Variants in OR5L2 observed in about 807,000 individuals in gnomAD.
OR5L2 encodes olfactory receptor family 5 subfamily L member 2, also known as olfactory receptor 5L2.
For synonymous variants in OR5L2, 175 were observed against 151.6 expected, an observed-to-expected ratio of 1.15 and a Z score of -1.13; for missense variants, 425 against 365.6, an observed-to-expected ratio of 1.16 and a Z score of -1.32.
rs267602980 is a variant in OR5L2, at chr11:55,827,505, G to T, written c.287G>T (p.Gly96Val). 6 of 1,611,800 alleles carry T rather than the reference G, an allele frequency of 3.7e-6. No homozygotes were observed. The South Asian group carries it at 5.5e-5, about 15-fold the overall frequency. The change falls in exon 1 of 1, where the codon GGG becomes GTG. Residue 96 changes from glycine (G) to valine (V), a missense_variant. Coordinates refer to ENST00000378397, the MANE Select transcript of OR5L2 (RefSeq NM_001004739.1). ...AAGGACAAAGCCATCTCCTTCCTAG[G>T]GTGCATGGTGCAATTCTACTTGTTT... ...FNKDKAISFL[G>V]CMVQFYLFCT... is the part of the protein sequence containing the mutation.
chr11:55,827,852 A>T lies in OR5L2; in HGVS notation c.634A>T (p.Met212Leu). Residue 212 changes from methionine (M) to leucine (L), a missense_variant, in exon 1 of 1, where the codon ATG (methionine) becomes TTG (leucine). Transcript: ENST00000378397. ...CACTTTGAATGAGAGTGTTACCATC[A>T]TGATCATCCTCACCTCCTACCTGCT... is the stretch of plus-strand genomic sequence containing the variant. ...VATLNESVTI[M>L]IILTSYLLIL... 1 of 1,613,918 alleles carries T rather than the reference A, an allele frequency of 6.2e-7. No homozygotes were observed. The highest frequency in any genetic ancestry group is 8.5e-7 in the Non-Finnish European group (1 of 1,179,992).
chr11:55,827,842 T>A lies in OR5L2; in HGVS notation c.624T>A (p.Ser208Arg), dbSNP rs1405392498. 2.5e-6 allele frequency: 4 copies of A among 1,613,622 alleles called. No individual in the cohort carries two copies. In the African/African-American group the frequency reaches 5.4e-5, roughly 22 times the overall value. Residue 208 changes from serine to arginine, a missense_variant, in exon 1 of 1, where the codon AGT becomes AGA. Transcript: ENST00000378397. ...LLFLVATLNE[S>R]VTIMIILTSY... is the part of the protein sequence containing the mutation. Reference sequence around the variant, plus strand: ...TCCTGGTGGCCACTTTGAATGAGAGTGTTACCATCATGATCATCCTCACCT... The same window carrying A: ...TCCTGGTGGCCACTTTGAATGAGAGAGTTACCATCATGATCATCCTCACCT...
At position 55,827,715 on chromosome 11, in the gene OR5L2, T is replaced by A. The variant is rs1046216465; in HGVS notation, c.497T>A (p.Ile166Asn). 14 of 1,613,642 alleles carry A rather than the reference T, an allele frequency of 8.7e-6. No homozygotes were observed. Among genetic ancestry groups the A allele is most frequent in the Non-Finnish European group, 1.2e-5 (14 of 1,179,994 alleles). Reference protein sequence around the residue: ...SLIHSSLALRILFYRSNVINH... With the variant: ...SLIHSSLALRNLFYRSNVINH... ...ATTCACTCGTCCTTAGCTCTTAGGA[T>A]CCTCTTCTATAGATCTAATGTGATT... The change falls in exon 1 of 1, where the codon ATC becomes AAC. Residue 166 changes from isoleucine to asparagine, a missense_variant. Ile to Asn is a moderately radical substitution (Grantham distance 149). Transcript: ENST00000378397.
Position 55,828,056 on chromosome 11 carries a change from G to C in OR5L2, c.838G>C (p.Val280Leu), listed in dbSNP as rs1445147677. ...VDKVATVFYT[V>L]VIPMLNPLIY... Reference sequence around the variant, plus strand: ...CAAAGTGGCCACCGTGTTCTACACAGTTGTGATTCCCATGCTGAACCCCCT... The same window carrying C: ...CAAAGTGGCCACCGTGTTCTACACACTTGTGATTCCCATGCTGAACCCCCT... The change falls in exon 1 of 1, where the codon GTT (valine) becomes CTT (leucine). Residue 280 changes from valine to leucine, a missense_variant. Val to Leu is a conservative substitution (Grantham distance 32). Coordinates refer to ENST00000378397, the MANE Select transcript of OR5L2 (RefSeq NM_001004739.1). 3.1e-6 allele frequency: 5 copies of C among 1,613,674 alleles called. No individual in the cohort carries two copies. In the East Asian group the frequency reaches 8.9e-5, roughly 29 times the overall value.
chr11:55,828,088 C>T lies in OR5L2; in HGVS notation c.870C>T (p.Tyr290=), dbSNP rs1406119526. The T allele has an allele frequency of 6.2e-7, 1 of 1,613,684 alleles. No individual in the cohort carries two copies. Among genetic ancestry groups the T allele is most frequent in the African/African-American group, 1.3e-5 (1 of 74,876 alleles). The change falls in exon 1 of 1, where the codon TAC becomes TAT. Residue 290 remains tyrosine, a synonymous_variant. Coordinates refer to ENST00000378397, the MANE Select transcript of OR5L2 (RefSeq NM_001004739.1). The stretch of plus-strand genomic sequence containing the variant: ...TTCCCATGCTGAACCCCCTGATCTA[C>T]AGCCTGAGAAATAAGGATGTGAACA... ...VVIPMLNPLI[Y]SLRNKDVNKA...
Position 55,827,643 on chromosome 11 carries a change from T to C in OR5L2, c.425T>C (p.Val142Ala), listed in dbSNP as rs1174778658. ...YMVTMSQKLR[V>A]ELTSCCYFCG... ...GTGACCATGTCTCAGAAGCTGCGTG[T>C]GGAGCTGACCTCTTGCTGCTACTTC... Residue 142 changes from valine to alanine, a missense_variant, in exon 1 of 1, where the codon GTG becomes GCG. By Grantham distance (64) the Val-to-Ala change is moderately conservative (BLOSUM62 0). Transcript: ENST00000378397. The C allele has an allele frequency of 1.2e-6, 2 of 1,613,732 alleles. No homozygotes were observed. The highest frequency in any genetic ancestry group is 2.7e-5 in the African/African-American group (2 of 74,666).
At position 55,827,409 on chromosome 11, in the gene OR5L2, G is replaced by T. The variant is rs767268509; in HGVS notation, c.191G>T (p.Ser64Ile). The change falls in exon 1 of 1, where the codon AGC becomes ATC. Residue 64 changes from serine (S) to isoleucine (I), a missense_variant. Physicochemically the swap from Ser to Ile is moderately radical, Grantham distance 142. Transcript: ENST00000378397. ...RLHTPVYFFLSHLSFVDFCYS... is the reference protein window; with the variant it reads ...RLHTPVYFFLIHLSFVDFCYS... ...CACACCCCCGTGTACTTTTTCCTCAGCCACTTGTCCTTTGTAGATTTCTGC... is the reference window on the plus strand; with the variant it reads ...CACACCCCCGTGTACTTTTTCCTCATCCACTTGTCCTTTGTAGATTTCTGC... 1.2e-6 allele frequency: 2 copies of T among 1,613,944 alleles called. No homozygotes were observed. The highest frequency in any genetic ancestry group is 4.5e-5 in the East Asian group (2 of 44,876).
rs1482359181 is a variant in OR5L2, at chr11:55,827,837, G to A, written c.619G>A (p.Glu207Lys). Residue 207 changes from glutamate (E) to lysine (K), a missense_variant, in exon 1 of 1, where the codon GAG becomes AAG. By Grantham distance (56) the Glu-to-Lys change is moderately conservative. Coordinates refer to ENST00000378397, the MANE Select transcript of OR5L2 (RefSeq NM_001004739.1). ...GCTGTTCCTGGTGGCCACTTTGAAT[G>A]AGAGTGTTACCATCATGATCATCCT... ...TLLFLVATLN[E>K]SVTIMIILTS... 1 of 1,613,780 alleles carries A rather than the reference G, an allele frequency of 6.2e-7. No individual in the cohort carries two copies. Among genetic ancestry groups the A allele is most frequent in the African/African-American group, 1.3e-5 (1 of 74,746 alleles).
rs1408241216 is a variant in OR5L2, at chr11:55,827,830, T to C, written c.612T>C (p.Thr204=). 1 of 1,613,946 alleles carries C rather than the reference T, an allele frequency of 6.2e-7. No individual in the cohort carries two copies. The highest frequency in any genetic ancestry group is 1.1e-5 in the South Asian group (1 of 91,084). The change falls in exon 1 of 1, where the codon ACT becomes ACC. Residue 204 remains threonine (T), a synonymous_variant. Coordinates refer to ENST00000378397, the MANE Select transcript of OR5L2 (RefSeq NM_001004739.1). ...VNETLLFLVA[T]LNESVTIMII... ...AGACACTGCTGTTCCTGGTGGCCAC[T>C]TTGAATGAGAGTGTTACCATCATGA...
In OR5L2 at chr11:55,828,131, A is replaced by G; in HGVS notation, c.913A>G (p.Met305Val). ...TGTGAACAAAGCTCTCAGAAAAGTG[A>G]TGGGCTCCAAAATTCACTCCTAGGG... ...KDVNKALRKV[M>V]GSKIHS is the part of the protein sequence containing the mutation. The change falls in exon 1 of 1, where the codon ATG (methionine) becomes GTG (valine). Residue 305 changes from methionine (M) to valine (V), a missense_variant. Met to Val is a conservative substitution (Grantham distance 21). Coordinates refer to ENST00000378397, the MANE Select transcript of OR5L2 (RefSeq NM_001004739.1). 1.2e-6 allele frequency: 2 copies of G among 1,608,014 alleles called. No homozygotes were observed. Among genetic ancestry groups the G allele is most frequent in the African/African-American group, 1.3e-5 (1 of 74,806 alleles).
rs761959828 is a variant in OR5L2 at position 55,827,703 on chromosome 11, T to C, written c.485T>C (p.Leu162Ser). The C allele has an allele frequency of 6.2e-7, 1 of 1,613,924 alleles. No individual in the cohort carries two copies. Among genetic ancestry groups the C allele is most frequent in the African/African-American group, 1.3e-5 (1 of 74,848 alleles). Residue 162 changes from leucine (L) to serine (S), a missense_variant, in exon 1 of 1, where the codon TTA becomes TCA. Transcript: ENST00000378397. ...GTVCSLIHSSLALRILFYRSN... is the reference protein window; with the variant it reads ...GTVCSLIHSSSALRILFYRSN... ...GTGTGTTCTCTGATTCACTCGTCCT[T>C]AGCTCTTAGGATCCTCTTCTATAGA...
Position 55,827,484 on chromosome 11 carries a change from A to G in OR5L2, c.266A>G (p.Asp89Gly). ...ATGTTGGCTAATATCTTTAACAAGG[A>G]CAAAGCCATCTCCTTCCTAGGGTGC... ...PKMLANIFNK[D>G]KAISFLGCMV... Residue 89 changes from aspartate (D) to glycine (G), a missense_variant, in exon 1 of 1, where the codon GAC (aspartate) becomes GGC (glycine). Physicochemically the swap from Asp to Gly is moderately conservative, Grantham distance 94 (BLOSUM62 -1). Transcript: ENST00000378397. 6.2e-7 allele frequency: 1 copy of G among 1,613,960 alleles called. No individual in the cohort carries two copies. The highest frequency in any genetic ancestry group is 8.5e-7 in the Non-Finnish European group (1 of 1,180,016).
chr11:55,827,356 T>C lies in OR5L2; in HGVS notation c.138T>C (p.Thr46=), dbSNP rs757701688. The C allele has an allele frequency of 4.3e-6, 7 of 1,613,904 alleles. No homozygotes were observed. The highest frequency in any genetic ancestry group is 4.2e-6 in the Non-Finnish European group (5 of 1,180,020). Residue 46 remains threonine (T), a synonymous_variant, in exon 1 of 1, where the codon ACT becomes ACC. Transcript: ENST00000378397. ...CGTTGTTAGCCAATCTGGGCATGAC[T>C]GCACTGATTCAGGTCAGCTCTCGGC... ...GVTLLANLGM[T]ALIQVSSRLH... is the part of the protein sequence containing the mutation.
Position 55,827,821 on chromosome 11 carries a change from G to C in OR5L2, c.603G>C (p.Leu201=), listed in dbSNP as rs769717326. 1.9e-6 allele frequency: 3 copies of C among 1,613,818 alleles called. No homozygotes were observed. The highest frequency in any genetic ancestry group is 1.7e-5 in the Admixed American group (1 of 59,978). ...DVTVNETLLF[L]VATLNESVTI... ...CTGTGAATGAGACACTGCTGTTCCT[G>C]GTGGCCACTTTGAATGAGAGTGTTA... Residue 201 remains leucine (L), a synonymous_variant, in exon 1 of 1, where the codon CTG becomes CTC. Transcript: ENST00000378397.
Position 55,827,239 on chromosome 11 carries a change from C to A in OR5L2, c.21C>A (p.Thr7=), listed in dbSNP as rs757976690. The change falls in exon 1 of 1, where the codon ACC becomes ACA. Residue 7 remains threonine (T), a synonymous_variant. Coordinates refer to ENST00000378397, the MANE Select transcript of OR5L2 (RefSeq NM_001004739.1). The part of the protein sequence containing the change: MGKENC[T]TVAEFILLGL... ...GAGACATGGGCAAGGAAAACTGCAC[C>A]ACTGTGGCTGAGTTCATTCTCCTTG... 1 of 1,613,040 alleles carries A rather than the reference C, an allele frequency of 6.2e-7. No homozygotes were observed.
rs1223499095 is a variant in OR5L2 at position 55,827,853 on chromosome 11, T to C, written c.635T>C (p.Met212Thr). The change falls in exon 1 of 1, where the codon ATG (methionine) becomes ACG (threonine). Residue 212 changes from methionine (M) to threonine (T), a missense_variant. Transcript: ENST00000378397. The part of the protein sequence containing the change: ...VATLNESVTI[M>T]IILTSYLLIL... ...ACTTTGAATGAGAGTGTTACCATCA[T>C]GATCATCCTCACCTCCTACCTGCTA... The C allele has an allele frequency of 1.2e-6, 2 of 1,613,954 alleles. No individual in the cohort carries two copies. The highest frequency in any genetic ancestry group is 2.2e-5 in the East Asian group (1 of 44,880).
Position 55,827,278 on chromosome 11 carries a change from C to CTGT in OR5L2, c.60_61insTGT (p.Val20_Pro21insCys). On this transcript the variant is annotated inframe_insertion, in exon 1 of 1. Transcript: ENST00000378397. ...TCATTCTCCTTGGACTATCAGATGT[C>CTGT]CCTGAGTTGAGAGTCTGCCTCTTCC... 1 of 1,613,888 alleles carries CTGT rather than the reference C, an allele frequency of 6.2e-7. No individual in the cohort carries two copies. Among genetic ancestry groups the CTGT allele is most frequent in the Non-Finnish European group, 8.5e-7 (1 of 1,179,988 alleles).
chr11:55,827,839 G>A lies in OR5L2; in HGVS notation c.621G>A (p.Glu207=), dbSNP rs1853910271. The A allele has an allele frequency of 4.3e-6, 7 of 1,613,756 alleles. No homozygotes were observed. In the South Asian group the frequency reaches 6.6e-5, roughly 15 times the overall value. ...TGTTCCTGGTGGCCACTTTGAATGA[G>A]AGTGTTACCATCATGATCATCCTCA... ...TLLFLVATLN[E]SVTIMIILTS... The change falls in exon 1 of 1, where the codon GAG becomes GAA. Residue 207 remains glutamate, a synonymous_variant. Coordinates refer to ENST00000378397, the MANE Select transcript of OR5L2 (RefSeq NM_001004739.1).
Position 55,827,881 on chromosome 11 carries a change from T to TCTCACCACTATC in OR5L2, c.666_677dup (p.Thr223_Leu226dup). 1 of 1,613,932 alleles carries TCTCACCACTATC rather than the reference T, an allele frequency of 6.2e-7. No individual in the cohort carries two copies. The highest frequency in any genetic ancestry group is 8.5e-7 in the Non-Finnish European group (1 of 1,179,996). On this transcript the variant is annotated inframe_insertion, in exon 1 of 1. Transcript: ENST00000378397. ...TCATCCTCACCTCCTACCTGCTAAT[T>TCTCACCACTATC]CTCACCACTATCCTGAAGATACACT...
Sources: allele counts gnomAD v4.1 joint callset, GRCh38; gene constraint gnomAD v4.1.1; transcripts MANE v1.5; gene names NCBI Gene and HGNC (gene_info 2026-07-23, HGNC 2026-07-21).